The following TMEM132D variants were observed in gnomAD, a reference collection of about 807,000 sequenced individuals.
TMEM132D encodes transmembrane protein 132D.
Under a neutral mutation model 62.3 loss-of-function variants are expected in TMEM132D, and 21 were observed. The observed-to-expected ratio is 0.34, with a 90% CI of 0.24 to 0.49. The LOEUF (loss-of-function observed/expected upper bound fraction) is 0.49. Ranked by LOEUF, TMEM132D falls within the 20% of genes least tolerant of loss-of-function variation. TMEM132D has a pLI of 0.99. For synonymous variants in TMEM132D, 621 were observed against 575.6 expected, an observed-to-expected ratio of 1.08 and a Z score of -1.13; for missense variants, 1,346 against 1,402.8, an observed-to-expected ratio of 0.96 and a Z score of 0.65.
intron 5 of TMEM132D, among the ~76,000 whole-genome samples, chr12:129,089,614 G>T (rs1245547262): frequency 3.3e-5 from 5 of 152,260 alleles, no homozygotes; most frequent in African/African-American, 1.2e-4. Flanking sequence ...TGTCCTCCCT[G>T]ACGGGGGCCT....
intron 4 of TMEM132D, among the ~76,000 whole-genome samples, chr12:129,268,369 G>A (rs1880754644): frequency 6.6e-6 from 1 of 152,100 alleles, no homozygotes; most frequent in Admixed American, 6.6e-5. Flanking sequence ...CAAAAAATGG[G>A]CGAAGGACAT....
chr12:129,343,777 A>G (rs1015678591), intron 3 of TMEM132D, among the ~76,000 whole-genome samples: 1 of 151,126 alleles, frequency 6.6e-6, no homozygotes, highest in Non-Finnish European at 1.5e-5. Context: ...AAAACAAAAA[A>G]AAAAAACAAA....
At chr12:129,390,226 T>C (rs1871255680) in intron 3 of TMEM132D, among the ~76,000 whole-genome samples, 1 of 152,214 alleles carries the variant, frequency 6.6e-6, no homozygotes, top group Non-Finnish European at 1.5e-5. Flanking sequence ...CTCCGTCTTT[T>C]TTTGTGCCTG....
At chr12:129,453,202 T>A (rs765023937) in intron 3 of TMEM132D, among the ~76,000 whole-genome samples, 1 of 152,096 alleles carries the variant, frequency 6.6e-6, no homozygotes, top group East Asian at 1.9e-4. Context: ...CACGGAAAAA[T>A]TGTCTTCCAG....
intron 3 of TMEM132D, among the ~76,000 whole-genome samples, chr12:129,345,062 T>A (rs1869638664): frequency 6.6e-6 from 1 of 152,178 alleles, no homozygotes; most frequent in African/African-American, 2.4e-5. Flanking sequence ...TTTCTTGGAT[T>A]TGGGCAAACT....
intron 3 of TMEM132D, among the ~76,000 whole-genome samples, chr12:129,433,835 G>T (rs1309609350): frequency 1.3e-5 from 2 of 152,168 alleles, no homozygotes; most frequent in Non-Finnish European, 1.5e-5. Flanking sequence ...GATAACAGCT[G>T]CTCATGGCAG....
At chr12:129,672,709 G>T (rs1364072210) in intron 2 of TMEM132D, among the ~76,000 whole-genome samples, 1 of 152,174 alleles carries the variant, frequency 6.6e-6, no homozygotes, top group Non-Finnish European at 1.5e-5. Flanking sequence ...GTGCATATAT[G>T]TATATATAAA....
At chr12:129,413,208 C>A (rs1872020862) in intron 3 of TMEM132D, among the ~76,000 whole-genome samples, 1 of 152,098 alleles carries the variant, frequency 6.6e-6, no homozygotes. Flanking sequence ...GTGGGAGGGG[C>A]CTGGTGGGAG....
intron 2 of TMEM132D, among the ~76,000 whole-genome samples, chr12:129,682,197 T>C (rs1880794602): frequency 6.6e-6 from 1 of 152,214 alleles, no homozygotes; most frequent in South Asian, 2.1e-4. Flanking sequence ...TTAAGTAATC[T>C]GTTCACATTT....
intron 3 of TMEM132D, among the ~76,000 whole-genome samples, chr12:129,429,515 C>A (rs1202501839): frequency 6.6e-6 from 1 of 151,930 alleles, no homozygotes; most frequent in Non-Finnish European, 1.5e-5. Flanking sequence ...ACTGGGAAAC[C>A]TTTCTCACCT....
At chr12:129,092,465 A>T (rs1203005950) in intron 5 of TMEM132D, among the ~76,000 whole-genome samples, 4 of 152,080 alleles carry the variant, frequency 2.6e-5, no homozygotes, top group Non-Finnish European at 5.9e-5. Context: ...TTGGATTAAA[A>T]ATGTGGATCA....
intron 1 of TMEM132D, among the ~76,000 whole-genome samples, chr12:129,874,393 G>C (rs1385741583): frequency 6.6e-6 from 1 of 152,028 alleles, no homozygotes; most frequent in Non-Finnish European, 1.5e-5. Context: ...CTGGGTGACA[G>C]AGCGAGACTC....
At chr12:129,589,562 T>G (rs1043228478) in intron 2 of TMEM132D, among the ~76,000 whole-genome samples, 2 of 152,112 alleles carry the variant, frequency 1.3e-5, no homozygotes, top group African/African-American at 4.8e-5. Context: ...TCCTACCCCG[T>G]GTAGACCCCC....
intron 1 of TMEM132D, among the ~76,000 whole-genome samples, chr12:129,834,837 T>A (rs1264796301): frequency 6.6e-6 from 1 of 152,216 alleles, no homozygotes; most frequent in African/African-American, 2.4e-5. Flanking sequence ...GTTTTATTCA[T>A]CAGGAACTTG....
At chr12:129,639,316 GA>G (rs1390359019) in intron 2 of TMEM132D, among the ~76,000 whole-genome samples, 1 of 145,168 alleles carries the variant, frequency 6.9e-6, no homozygotes, top group Non-Finnish European at 1.5e-5. Context: ...CTAGGAGGCA[GA>G]GGTTGCAGTG....
At chr12:129,382,205 T>A (rs751301952) in intron 3 of TMEM132D, among the ~76,000 whole-genome samples, 4 of 152,214 alleles carry the variant, frequency 2.6e-5, no homozygotes, top group Non-Finnish European at 5.9e-5. Context: ...CAGAGACTGG[T>A]TTACAAGGCT....
At chr12:129,167,347 G>A (rs570155304) in intron 5 of TMEM132D, among the ~76,000 whole-genome samples, 4 of 152,178 alleles carry the variant, frequency 2.6e-5, no homozygotes, top group Admixed American at 2.6e-4. Context: ...GGGCAGAAAC[G>A]TCGATTTGCT....
Position 129,382,358 on chromosome 12 carries a change from G to A in TMEM132D, c.1116-44541C>T, listed in dbSNP as rs1163249699. Among the ~76,000 whole-genome samples, 4 of 152,154 alleles carry A rather than the reference G, an allele frequency of 2.6e-5. No individual in the cohort carries two copies. In the East Asian group the frequency reaches 7.7e-4, roughly 29 times the overall value. On this transcript the variant is annotated intron_variant, in intron 3 of 8. Coordinates refer to ENST00000422113, the MANE Select transcript of TMEM132D (RefSeq NM_133448.3). ...TCAATTACCAAGTATTACTATAATC[G>A]TCACTGGAAAAGCATCTCTAGGCAA...
chr12:129,570,305 CCAAGA>C (rs1328442962), intron 2 of TMEM132D, among the ~76,000 whole-genome samples: 3 of 152,164 alleles, frequency 2.0e-5, no homozygotes, highest in Non-Finnish European at 2.9e-5. Flanking sequence ...CCTCCTGGTC[CCAAGA>C]TGTCCACTGT....
Sources: allele counts gnomAD v4.1 joint callset (sites outside exome capture counted in the v4.1 genomes callset), GRCh38; gene constraint gnomAD v4.1.1; transcripts MANE v1.5; gene names NCBI Gene and HGNC (gene_info 2026-07-23, HGNC 2026-07-21).